Variants in CLASRP observed in about 807,000 individuals in gnomAD.
The protein encoded by CLASRP is CLK4-associating serine/arginine rich protein.
A neutral mutation model predicts 99.9 loss-of-function variants in CLASRP; 52 were observed. The observed-to-expected ratio is 0.52, with a 90% CI of 0.42 to 0.66. CLASRP has a LOEUF of 0.66. CLASRP is among the 30% of genes least tolerant of loss of function. The pLI is 0.00. For synonymous variants in CLASRP, 379 were observed against 373.0 expected (o/e 1.02, Z -0.18); for missense variants, 848 against 999.2 (o/e 0.85, Z 2.04).
At chr19:45,039,953 C>T in intron 1 of CLASRP, 1 of 340,876 alleles carries the variant, frequency 2.9e-6, no homozygotes. Flanking sequence ...CCCAGTGATG[C>T]TCACCTCAGA....
Position 45,060,466 on chromosome 19 carries a change from C to G in CLASRP, c.788C>G (p.Ser263Trp). ...KALEEEKAMY[S>W]GRRSRRQRRE... ...CTTGAGGAGGAGAAGGCCATGTACT[C>G]GGTGAGGTCTGGGCTGGAGTGGAAG... Residue 263 changes from serine (S) to tryptophan (W), a missense_variant and splice_region_variant, in exon 9 of 21, where the codon TCG becomes TGG. Physicochemically the swap from Ser to Trp is radical, Grantham distance 177. Coordinates refer to ENST00000221455, the MANE Select transcript of CLASRP (RefSeq NM_007056.3). The surrounding 1 kb of genome is among the most constrained non-coding windows in gnomAD (Gnocchi z 4.6). The G allele has an allele frequency of 6.2e-7, 1 of 1,614,140 alleles. No homozygotes were observed. The highest frequency in any genetic ancestry group is 8.5e-7 in the Non-Finnish European group (1 of 1,179,988).
chr19:45,064,486 G>C lies in CLASRP; in HGVS notation c.1265G>C (p.Trp422Ser), dbSNP rs1393086164. ...GRHARSRSRS[W>S]SRSRSRSRRY... ...CACGCCCGCTCCCGGTCCCGCTCCT[G>C]GTCCCGCTCCCGCTCCCGCTCCCGG... Residue 422 changes from tryptophan (W) to serine (S), a missense_variant, in exon 13 of 21, where the codon TGG (tryptophan) becomes TCG (serine). Transcript: ENST00000221455. 6.5e-7 allele frequency: 1 copy of C among 1,530,528 alleles called. No homozygotes were observed. The highest frequency in any genetic ancestry group is 2.5e-5 in the East Asian group (1 of 40,750). 94.8% of individuals were successfully genotyped at this position (1,530,528 alleles called of 1,614,324 possible).
In CLASRP at chr19:45,041,642, C is replaced by A. The variant is rs114395695; in HGVS notation, c.99+1331C>A. 9.2e-4 allele frequency among the ~76,000 whole-genome samples: 140 copies of A among 152,328 alleles called. 2 individuals carry two copies. The highest frequency in any genetic ancestry group is 3.4e-3 in the Middle Eastern group (1 of 294). ...TCCAGTCTGTCCTTCCTAGAAGAGT[C>A]CAAGAGGCCTTTCTAAAGCACAAAA... On this transcript the variant is annotated intron_variant, in intron 2 of 20. Transcript: ENST00000221455.
At chr19:45,070,607 C>G (rs751222118) in intron 20 of CLASRP, 46 bp downstream of exon 20, 1 of 1,565,246 alleles carries the variant, frequency 6.4e-7, no homozygotes, top group East Asian at 2.2e-5. Context: ...TAACACTTGT[C>G]CTTTGATGGG....
At chr19:45,055,594 G>A (rs1870396171) in intron 5 of CLASRP, among the ~76,000 whole-genome samples, 1 of 152,226 alleles carries the variant, frequency 6.6e-6, no homozygotes, top group African/African-American at 2.4e-5. Flanking sequence ...CAGCACTTTG[G>A]GAGGTTGAGG....
chr19:45,057,700 C>T, intron 6 of CLASRP, 50 bp from the exon 7 acceptor site: 1 of 1,606,130 alleles, frequency 6.2e-7, no homozygotes, highest in Non-Finnish European at 8.5e-7. Context: ...TAGCCTGGGG[C>T]CCTCATCTCC....
intron 2 of CLASRP, among the ~76,000 whole-genome samples, chr19:45,041,151 G>C (rs905940995): frequency 5.3e-5 from 8 of 151,726 alleles, no homozygotes; most frequent in South Asian, 2.1e-4. Flanking sequence ...AACCGGGGAG[G>C]GGGGCAGAGC....
At position 45,067,286 on chromosome 19, in the gene CLASRP, T is replaced by C. The variant is rs1380732847; in HGVS notation, c.1410-51T>C. ...GATCCGGACCCAGGGTGGGGTGCGGTTGGGGTCCCTGGAGCCTCACAGTCC... is the reference window on the plus strand; with the variant it reads ...GATCCGGACCCAGGGTGGGGTGCGGCTGGGGTCCCTGGAGCCTCACAGTCC... On this transcript the variant is annotated intron_variant, in intron 13 of 20. Transcript: ENST00000221455. This position sits in a 1 kb window ranked among gnomAD's most constrained non-coding sequence, Gnocchi z 4.9. The C allele has an allele frequency of 2.3e-5, 34 of 1,451,272 alleles. No homozygotes were observed. The highest frequency in any genetic ancestry group is 2.9e-5 in the African/African-American group (2 of 70,152). 89.9% of individuals were successfully genotyped at this position (1,451,272 alleles called of 1,614,324 possible).
At position 45,062,190 on chromosome 19, in the gene CLASRP, T is replaced by A; in HGVS notation, c.900T>A (p.Tyr300Ter). The A allele has an allele frequency of 6.6e-7, 1 of 1,524,482 alleles. No individual in the cohort carries two copies. The allele number at this position is 1,524,482 out of a possible 1,614,324, so 94.4% of individuals were successfully genotyped here. The change falls in exon 11 of 21, where the codon TAT becomes TAA. Residue 300 changes from tyrosine to a stop codon, truncating the protein, a stop_gained. Transcript: ENST00000221455. LOFTEE classifies it high-confidence loss of function. Reference protein sequence around the residue: ...ARRDSPTYDPYKRSPSESSSE... With the variant: ...ARRDSPTYDP ...GAGACAGCCCCACCTATGACCCCTA[T>A]AAGCGGTAAGTTGCTCTGGAGGACC...
At chr19:45,063,848 C>T (rs1966998832) in intron 11 of CLASRP, among the ~76,000 whole-genome samples, 164 bp from the exon 12 acceptor site, 1 of 152,174 alleles carries the variant, frequency 6.6e-6, no homozygotes, top group Admixed American at 6.5e-5. Flanking sequence ...GAGTCAAGTC[C>T]TTGTCCAGAG....
At chr19:45,064,715 C>T (rs1296049348) in intron 13 of CLASRP, 85 bp downstream of exon 13, 7 of 1,457,720 alleles carry the variant, frequency 4.8e-6, no homozygotes, top group South Asian at 2.8e-5. Flanking sequence ...AGGGAGGAAA[C>T]CTGGCCGTCC....
intron 7 of CLASRP, among the ~76,000 whole-genome samples, chr19:45,058,685 C>T (rs1482367287): frequency 6.6e-6 from 1 of 152,068 alleles, no homozygotes; most frequent in Non-Finnish European, 1.5e-5. Flanking sequence ...GCGCTCAGCC[C>T]AGTAGCTGGC....
Position 45,052,949 on chromosome 19 carries a change from C to A in CLASRP, c.299+57C>A, listed in dbSNP as rs1033867191. 191 of 1,542,872 alleles carry A rather than the reference C, an allele frequency of 1.2e-4. 1 individual carries two copies. Among genetic ancestry groups the A allele is most frequent in the Non-Finnish European group, 1.6e-4 (179 of 1,126,450 alleles). On this transcript the variant is annotated intron_variant, in intron 4 of 20. Coordinates refer to ENST00000221455, the MANE Select transcript of CLASRP (RefSeq NM_007056.3). Reference sequence around the variant, plus strand: ...AGCGTCATACCCAGGAGCCCCTGTTCTTTTCCCAGCCTACCTGTCACCTTC... The same window carrying A: ...AGCGTCATACCCAGGAGCCCCTGTTATTTTCCCAGCCTACCTGTCACCTTC...
At chr19:45,047,149 A>G (rs2889490) in intron 2 of CLASRP, among the ~76,000 whole-genome samples, 69,309 of 151,936 alleles carry the variant, frequency 0.46, 16,144 homozygotes, top group Non-Finnish European at 0.51. Context: ...ATACATCGAG[A>G]AAGAAAATGT....
rs1193556629 is a variant in CLASRP at position 45,068,005 on chromosome 19, C to A, written c.1668-10C>A. ...TCCCAACCATGTCCTCTGGCCCTGC[C>A]CCCACCCAGGACCGAACCTGCCGCT... On this transcript the variant is annotated splice_polypyrimidine_tract_variant and intron_variant, in intron 14 of 20. Transcript: ENST00000221455. 6.2e-7 allele frequency: 1 copy of A among 1,610,412 alleles called. No individual in the cohort carries two copies. Among genetic ancestry groups the A allele is most frequent in the Non-Finnish European group, 8.5e-7 (1 of 1,176,706 alleles).
At chr19:45,046,441 C>T (rs1007615129) in intron 2 of CLASRP, among the ~76,000 whole-genome samples, 9 of 152,184 alleles carry the variant, frequency 5.9e-5, no homozygotes, top group Non-Finnish European at 1.3e-4. Flanking sequence ...GGTCGCAGCT[C>T]AGGCGTCGCC....
At chr19:45,053,409 A>G (rs1403074327) in intron 5 of CLASRP, among the ~76,000 whole-genome samples, 2 of 152,162 alleles carry the variant, frequency 1.3e-5, no homozygotes, top group Non-Finnish European at 2.9e-5. Context: ...TCCATATACC[A>G]TGCCTTCTGA....
intron 11 of CLASRP, 71 bp from the exon 12 acceptor site, chr19:45,063,941 C>T (rs1393059716): frequency 6.7e-7 from 1 of 1,502,812 alleles, no homozygotes; most frequent in Non-Finnish European, 8.9e-7. Flanking sequence ...TGCTGTTGAT[C>T]TGCTGTGTGT....
chr19:45,054,882 T>C (rs1267342719), intron 5 of CLASRP, among the ~76,000 whole-genome samples: 3 of 152,318 alleles, frequency 2.0e-5, no homozygotes, highest in East Asian at 3.9e-4. Context: ...CAGCCCTCCA[T>C]GTGGGTTTGC....
Sources: gnomAD v4.1 joint callset for allele counts (sites outside exome capture counted in the v4.1 genomes callset) on GRCh38, gnomAD v4.1.1 for gene constraint, Gnocchi (gnomAD v3.1) non-coding constraint, MANE v1.5 for transcripts, NCBI Gene and HGNC (gene_info 2026-07-23, HGNC 2026-07-21) for gene names.